Variants in TNR observed in about 807,000 individuals in gnomAD.
The protein encoded by TNR is tenascin R, also known as tenascin-R.
A neutral mutation model predicts 150.4 loss-of-function variants in TNR; 45 were observed. The observed-to-expected ratio is 0.30, with a 90% CI of 0.24 to 0.38. The LOEUF (loss-of-function observed/expected upper bound fraction) is 0.38, where lower values mean the gene tolerates loss of function less well. TNR is among the 10% of genes least tolerant of loss of function. TNR has a pLI of 1.00. For missense variants in TNR, 1,544 were observed against 1,759.1 expected, an observed-to-expected ratio of 0.88 and a Z score of 2.19; for synonymous variants, 687 against 678.4, an observed-to-expected ratio of 1.01 and a Z score of -0.20.
intron 1 of TNR, among the ~76,000 whole-genome samples, chr1:175,665,358 C>G (rs115204654): frequency 0.022 from 3,383 of 152,282 alleles, 66 homozygotes; most frequent in Non-Finnish European, 0.034. Context: ...CACAGCTCCC[C>G]GACTGGCTTC....
At chr1:175,495,970 A>G (rs1017926554) in intron 2 of TNR, among the ~76,000 whole-genome samples, 1 of 152,190 alleles carries the variant, frequency 6.6e-6, no homozygotes, top group Non-Finnish European at 1.5e-5. Flanking sequence ...CATGCCTCAG[A>G]GAAACACTGG....
chr1:175,677,639 G>C (rs575572954), intron 1 of TNR, among the ~76,000 whole-genome samples: 2 of 152,310 alleles, frequency 1.3e-5, no homozygotes, highest in African/African-American at 4.8e-5. Context: ...GCAGGGAGGA[G>C]AAGAAGATGG....
In TNR at chr1:175,403,550, A is replaced by T. The variant is rs2102045757; in HGVS notation, c.566T>A (p.Ile189Asn). The T allele has an allele frequency of 6.2e-7, 1 of 1,614,206 alleles. No homozygotes were observed. The highest frequency in any genetic ancestry group is 1.6e-4 in the Middle Eastern group (1 of 6,062). The change falls in exon 4 of 23, where the codon ATC (isoleucine) becomes AAC (asparagine). Residue 189 changes from isoleucine to asparagine, a missense_variant. This residue lies in a region of TNR where 1,254 missense variants were observed against 1,329.4 expected (regional missense o/e 0.94). Transcript: ENST00000367674. ...CTTGCCAAACCAGCCTTCGTTGCAG[A>T]TGCAGCCACAGGACTCAAAGCTAAA... ...GNFSFESCGC[I>N]CNEGWFGKNC...
At chr1:175,532,541 G>A (rs1020555425) in intron 1 of TNR, among the ~76,000 whole-genome samples, 4 of 152,216 alleles carry the variant, frequency 2.6e-5, no homozygotes, top group Non-Finnish European at 1.5e-5. Context: ...AGTGTAAGAA[G>A]TTCATGAATT....
chr1:175,505,312 C>A (rs1246877039), intron 2 of TNR, among the ~76,000 whole-genome samples: 1 of 152,240 alleles, frequency 6.6e-6, no homozygotes, highest in Non-Finnish European at 1.5e-5. Context: ...GGGCTTCCCC[C>A]GGCGAGGCAG....
intron 2 of TNR, among the ~76,000 whole-genome samples, chr1:175,451,218 A>ATTTTTTTT (rs1402508268): frequency 2.2e-5 from 2 of 92,522 alleles, no homozygotes; most frequent in African/African-American, 4.0e-5. Context: ...TTTTTTTTTA[A>ATTTTTTTT]TGTTTTTATT....
At chr1:175,343,502 T>C (rs189977888) in intron 18 of TNR, among the ~76,000 whole-genome samples, 4 of 152,310 alleles carry the variant, frequency 2.6e-5, no homozygotes, top group Admixed American at 2.6e-4. Context: ...CTTCCTACTA[T>C]AGGTGCTGTC....
At chr1:175,429,892 C>T (rs1655182947) in intron 2 of TNR, among the ~76,000 whole-genome samples, 1 of 152,092 alleles carries the variant, frequency 6.6e-6, no homozygotes, top group Non-Finnish European at 1.5e-5. Flanking sequence ...ATATGCGTGT[C>T]TTTACTTCTG....
Position 175,448,895 on chromosome 1 carries a change from C to T in TNR, c.-63-42118G>A, listed in dbSNP as rs117038363. Among the ~76,000 whole-genome samples the T allele has an allele frequency of 7.9e-5, 12 of 152,318 alleles. No individual in the cohort carries two copies. The East Asian group carries it at 2.3e-3, about 29-fold the overall frequency. ...CTCCATGCCAAAAAACAGGTCTGGT[C>T]TGATCCTGCACCAACACAGAAGAGT... On this transcript the variant is annotated intron_variant, in intron 2 of 22. Transcript: ENST00000367674.
chr1:175,578,994 C>T (rs935116286), intron 1 of TNR, among the ~76,000 whole-genome samples: 6 of 152,186 alleles, frequency 3.9e-5, no homozygotes, highest in Non-Finnish European at 5.9e-5. Flanking sequence ...GGCCACAGTG[C>T]TACCACCAAA....
intron 2 of TNR, among the ~76,000 whole-genome samples, chr1:175,422,576 G>A (rs1382270147): frequency 1.3e-5 from 2 of 152,210 alleles, no homozygotes; most frequent in East Asian, 1.9e-4. Context: ...CTAGCCATTG[G>A]CCCAGTTTAT....
Position 175,698,821 on chromosome 1 carries a change from C to CAA in TNR, c.-165+44403_-165+44404dup, listed in dbSNP as rs368818542. On this transcript the variant is annotated intron_variant, in intron 1 of 22. Coordinates refer to ENST00000367674, the MANE Select transcript of TNR (RefSeq NM_003285.3). ...GGGCAATAAAAGTAAGACTCTGTCTCAAAAAAAAAAAGGTGGTGCTGGCAG... is the reference window on the plus strand; with the variant it reads ...GGGCAATAAAAGTAAGACTCTGTCTCAAAAAAAAAAAAAGGTGGTGCTGGCAG... Among the ~76,000 whole-genome samples the CAA allele has an allele frequency of 6.9e-5, 10 of 145,320 alleles. No homozygotes were observed. The South Asian group carries it at 8.7e-4, about 13-fold the overall frequency.
intron 1 of TNR, among the ~76,000 whole-genome samples, chr1:175,567,389 C>G (rs1179987510): frequency 2.0e-5 from 3 of 152,136 alleles, no homozygotes; most frequent in Non-Finnish European, 4.4e-5. Flanking sequence ...TAGACAGAAA[C>G]AGCCTTTCAG....
chr1:175,534,180 A>G (rs1326452060), intron 1 of TNR, among the ~76,000 whole-genome samples: 1 of 152,214 alleles, frequency 6.6e-6, no homozygotes, highest in Non-Finnish European at 1.5e-5. Context: ...GAGGCTGGCC[A>G]TGCCTGGAGG....
chr1:175,470,703 G>C (rs1657249900), intron 2 of TNR, among the ~76,000 whole-genome samples: 1 of 152,102 alleles, frequency 6.6e-6, no homozygotes. Context: ...AGTTGTTATT[G>C]TCTATAGTCA....
intron 9 of TNR, among the ~76,000 whole-genome samples, chr1:175,376,680 C>T (rs1483436866): frequency 6.6e-6 from 1 of 152,042 alleles, no homozygotes; most frequent in Non-Finnish European, 1.5e-5. Context: ...CTTCTCTTCC[C>T]CCAGATGCCT....
At chr1:175,332,845 T>G (rs2298919) in intron 20 of TNR, among the ~76,000 whole-genome samples, 114,982 of 152,110 alleles carry the variant, frequency 0.76, 43,647 homozygotes, top group African/African-American at 0.81. Flanking sequence ...GTGACTCTTA[T>G]GTTAGAACAG....
intron 2 of TNR, among the ~76,000 whole-genome samples, chr1:175,513,306 C>T (rs1659270510): frequency 6.6e-6 from 1 of 152,170 alleles, no homozygotes; most frequent in Non-Finnish European, 1.5e-5. Context: ...CTATAACTCT[C>T]CTGTCTCATC....
chr1:175,533,831 G>T (rs1660165874), intron 1 of TNR, among the ~76,000 whole-genome samples: 1 of 152,120 alleles, frequency 6.6e-6, no homozygotes. Flanking sequence ...CAGGAGCTTT[G>T]TTGGTGATCT....
Sources: allele counts gnomAD v4.1 joint callset (sites outside exome capture counted in the v4.1 genomes callset), GRCh38; gene constraint gnomAD v4.1.1; regional missense constraint gnomAD v4.1.1; transcripts MANE v1.5; gene names NCBI Gene and HGNC (gene_info 2026-07-23, HGNC 2026-07-21).